The following WDFY2 variants were observed in gnomAD, a reference collection of about 807,000 sequenced individuals.
WDFY2 encodes the protein WD repeat and FYVE domain-containing protein 2.
In WDFY2, 36 loss-of-function variants were observed where a neutral mutation model predicts 56.4. That is an observed-to-expected ratio of 0.64 (90% confidence interval 0.49 to 0.84). The LOEUF (loss-of-function observed/expected upper bound fraction) is 0.84. WDFY2 is among the 40% of genes least tolerant of loss of function. The pLI, the probability that WDFY2 is intolerant of heterozygous loss-of-function variation, is 0.00. For missense variants in WDFY2, 444 were observed against 512.2 expected (o/e 0.87, Z 1.29); for synonymous variants, 176 against 183.7 (o/e 0.96, Z 0.34).
chr13:51,756,239 T>C (rs1458328200), intron 9 of WDFY2, 93 bp from the exon 10 acceptor site: 12 of 1,512,518 alleles, frequency 7.9e-6, no homozygotes, highest in Non-Finnish European at 1.1e-5. Flanking sequence ...CTGGATGCAG[T>C]TGATTACACC....
intron 7 of WDFY2, among the ~76,000 whole-genome samples, chr13:51,742,503 G>T (rs1952997707): frequency 6.6e-6 from 1 of 151,758 alleles, no homozygotes; most frequent in South Asian, 2.1e-4. Context: ...CTAGTTGGAT[G>T]GTTATTACCG....
At chr13:51,705,114 G>A (rs1253286649) in intron 4 of WDFY2, among the ~76,000 whole-genome samples, 11 of 152,322 alleles carry the variant, frequency 7.2e-5, no homozygotes, top group South Asian at 4.1e-4. Flanking sequence ...AGAAGCCCAC[G>A]TGCTGAGGAA....
chr13:51,654,579 C>A (rs560018084), intron 1 of WDFY2, among the ~76,000 whole-genome samples: 2 of 152,284 alleles, frequency 1.3e-5, no homozygotes, highest in East Asian at 3.9e-4. Flanking sequence ...ACCCTAACCT[C>A]TGCGGGCTTA....
At chr13:51,687,150 A>G (rs1228933497) in intron 3 of WDFY2, among the ~76,000 whole-genome samples, 3 of 150,620 alleles carry the variant, frequency 2.0e-5, no homozygotes, top group Non-Finnish European at 3.0e-5. Context: ...ATTAATAGAG[A>G]GCTATTATGT....
At chr13:51,690,195 TA>T (rs1346653746) in intron 3 of WDFY2, among the ~76,000 whole-genome samples, 1 of 3,800 alleles carries the variant, frequency 2.6e-4, no homozygotes, top group African/African-American at 3.1e-4. Context: ...TATATATATA[TA>T]TTTTTTTTAT....
At chr13:51,755,228 TTGAC>T in intron 8 of WDFY2, 126 bp from the exon 9 acceptor site, 4 of 828,622 alleles carry the variant, frequency 4.8e-6, no homozygotes, top group South Asian at 1.8e-5. Flanking sequence ...TTTTGAATGA[TTGAC>T]TGAGAAATCA....
chr13:51,615,213 T>C (rs566364983), intron 1 of WDFY2, among the ~76,000 whole-genome samples: 37 of 152,276 alleles, frequency 2.4e-4, no homozygotes, highest in African/African-American at 8.4e-4. Flanking sequence ...GTATTCATAA[T>C]AGATTAAAAG....
At chr13:51,731,225 GCACT>G (rs1476258886) in intron 6 of WDFY2, among the ~76,000 whole-genome samples, 2 of 152,170 alleles carry the variant, frequency 1.3e-5, no homozygotes, top group Non-Finnish European at 2.9e-5. Context: ...AAGTAATCAG[GCACT>G]CACCCACTCA....
At chr13:51,622,116 T>C (rs1593890878) in intron 1 of WDFY2, among the ~76,000 whole-genome samples, 1 of 152,358 alleles carries the variant, frequency 6.6e-6, no homozygotes, top group East Asian at 1.9e-4. Context: ...ATTAGTTCTC[T>C]TTTCACTAAA....
rs1017081537 is a variant in WDFY2, at chr13:51,692,679, G to C, written c.280-10917G>C. 3.3e-5 allele frequency among the ~76,000 whole-genome samples: 5 copies of C among 152,274 alleles called. No homozygotes were observed. The South Asian group carries it at 6.2e-4, about 19-fold the overall frequency. On this transcript the variant is annotated intron_variant, in intron 3 of 11. Coordinates refer to ENST00000298125, the MANE Select transcript of WDFY2 (RefSeq NM_052950.4). ...TCTTTTTTGGTTGTATCTCTGCCTG[G>C]CTTTGGTATCAGGATGATGCTGGCC...
At chr13:51,667,713 G>T (rs188473254) in intron 2 of WDFY2, among the ~76,000 whole-genome samples, 1 of 152,020 alleles carries the variant, frequency 6.6e-6, no homozygotes, top group Non-Finnish European at 1.5e-5. Flanking sequence ...CTGGGTTCCT[G>T]GTTGTGAAAT....
intron 7 of WDFY2, among the ~76,000 whole-genome samples, chr13:51,740,346 C>G (rs547282362): frequency 6.6e-6 from 1 of 152,168 alleles, no homozygotes; most frequent in Non-Finnish European, 1.5e-5. Context: ...CATTCCCTTA[C>G]GTTTATCTTT....
At chr13:51,642,704 C>T (rs1373031320) in intron 1 of WDFY2, among the ~76,000 whole-genome samples, 19 of 108,820 alleles carry the variant, frequency 1.7e-4, no homozygotes, top group Non-Finnish European at 3.0e-4. Flanking sequence ...TTTTTTGAGA[C>T]GGAGTCTCAC....
rs1566256918 is a variant in WDFY2 at position 51,763,803 on chromosome 13, A to G, written c.*4034A>G. On this transcript the variant is annotated 3_prime_UTR_variant, in exon 12 of 12. Transcript: ENST00000298125. ...GCAGAGCAAGGCCCTGAATAAATAA[A>G]CAAAAGTATAATTTATTTTTGCCTG... 1 of 152,186 alleles carries G rather than the reference A, an allele frequency of 6.6e-6. No homozygotes were observed. The highest frequency in any genetic ancestry group is 1.5e-5 in the Non-Finnish European group (1 of 67,994). The allele number at this position is 152,186 out of a possible 1,614,324, so 9.4% of individuals were successfully genotyped here. A position where few individuals can be genotyped will look rare whatever the true frequency, so the allele number is the denominator to read the frequency against.
chr13:51,624,980 T>C (rs1367694838), intron 1 of WDFY2, among the ~76,000 whole-genome samples: 1 of 152,248 alleles, frequency 6.6e-6, no homozygotes, highest in Non-Finnish European at 1.5e-5. Flanking sequence ...ATTTAGTCTT[T>C]TGCTCTAGTA....
chr13:51,623,608 G>T (rs1342020515), intron 1 of WDFY2, among the ~76,000 whole-genome samples: 1 of 151,998 alleles, frequency 6.6e-6, no homozygotes, highest in African/African-American at 2.4e-5. Flanking sequence ...TTTACAAGTA[G>T]CCTCTCAACA....
Position 51,713,908 on chromosome 13 carries a change from T to C in WDFY2, c.335-5290T>C, listed in dbSNP as rs1226008243. Among the ~76,000 whole-genome samples the C allele has an allele frequency of 3.3e-5, 5 of 150,662 alleles. No homozygotes were observed. In the South Asian group the frequency reaches 1.0e-3, roughly 32 times the overall value. On this transcript the variant is annotated intron_variant, in intron 4 of 11. Coordinates refer to ENST00000298125, the MANE Select transcript of WDFY2 (RefSeq NM_052950.4). ...ATTCCCCTTATATATGAGATACTTA[T>C]GGTAATCAAATTCATAGAGACAGAA...
Position 51,755,453 on chromosome 13 carries a change from AAGAC to A in WDFY2, c.930_933del (p.Arg310SerfsTer24), listed in dbSNP as rs770913589. The A allele has an allele frequency of 1.9e-6, 3 of 1,614,060 alleles. No individual in the cohort carries two copies. Among genetic ancestry groups the A allele is most frequent in the Admixed American group, 1.7e-5 (1 of 60,032 alleles). On this transcript the variant is annotated frameshift_variant and splice_region_variant, in exon 9 of 12. Transcript: ENST00000298125. LOFTEE classifies it high-confidence loss of function. ...TGTGGGACAGTAAGAAAATTGGTCTAAGACAGGTGAGTGATATGGATGCTTCATC... is the reference window on the plus strand; with the variant it reads ...TGTGGGACAGTAAGAAAATTGGTCTAAGGTGAGTGATATGGATGCTTCATC...
intron 2 of WDFY2, among the ~76,000 whole-genome samples, chr13:51,664,772 A>C (rs1955671996): frequency 6.6e-6 from 1 of 152,218 alleles, no homozygotes; most frequent in East Asian, 1.9e-4. Flanking sequence ...TTTAATGAGA[A>C]AGGACTGAGT....
Sources: allele counts gnomAD v4.1 joint callset (sites outside exome capture counted in the v4.1 genomes callset), GRCh38; gene constraint gnomAD v4.1.1; transcripts MANE v1.5; gene names NCBI Gene and HGNC (gene_info 2026-07-23, HGNC 2026-07-21).